Variants in RUBCNL observed in about 807,000 individuals in gnomAD.
The protein encoded by RUBCNL is rubicon like autophagy enhancer, also known as protein associated with UVRAG as autophagy enhancer.
In RUBCNL, 62 loss-of-function variants were observed where a neutral mutation model predicts 69.5. The observed-to-expected ratio is 0.89, with a 90% CI of 0.73 to 1.10. The LOEUF is 1.10. Ranked by LOEUF, RUBCNL falls within the 50% of genes least tolerant of loss-of-function variation. RUBCNL has a pLI of 0.00. For synonymous variants in RUBCNL, 291 were observed against 303.6 expected, an observed-to-expected ratio of 0.96 and a Z score of 0.43; for missense variants, 768 against 798.1, an observed-to-expected ratio of 0.96 and a Z score of 0.45.
In RUBCNL at chr13:46,372,032, G is replaced by A; in HGVS notation, c.444C>T (p.Pro148=). 8 of 1,613,988 alleles carry A rather than the reference G, an allele frequency of 5.0e-6. No homozygotes were observed. Among genetic ancestry groups the A allele is most frequent in the East Asian group, 2.2e-5 (1 of 44,876 alleles). The change falls in exon 3 of 15, where the codon CCC becomes CCT. Residue 148 remains proline (P), a synonymous_variant. Coordinates refer to ENST00000429979, the MANE Select transcript of RUBCNL (RefSeq NM_025113.5). ...RPGYSHRVSL[P]TSPGILATSP... ...AGGTGGCCAAAATCCCAGGGCTTGT[G>A]GGCAGAGACACCCGATGAGAGTATC... is the stretch of plus-strand genomic sequence containing the variant.
chr13:46,338,193 G>C lies in RUBCNL; in HGVS notation c.*5192C>G, dbSNP rs376001568. 2.2e-3 allele frequency among the ~76,000 whole-genome samples: 337 copies of C among 152,330 alleles called. 4 individuals carry two copies. Among genetic ancestry groups the C allele is most frequent in the South Asian group, 0.012 (56 of 4,824 alleles). On this transcript the variant is annotated 3_prime_UTR_variant, in exon 15 of 15. Coordinates refer to ENST00000429979, the MANE Select transcript of RUBCNL (RefSeq NM_025113.5). The stretch of plus-strand genomic sequence containing the variant: ...ACAGGTCCACATGCCATATATCCAA[G>C]TATTTAAAATTTGAAATATGTTTTA...
intron 5 of RUBCNL, among the ~76,000 whole-genome samples, chr13:46,367,238 A>C (rs944429967): frequency 6.6e-6 from 1 of 152,160 alleles, no homozygotes; most frequent in South Asian, 2.1e-4. Context: ...AGGTTACCCC[A>C]CAGGGCTTCC....
intron 9 of RUBCNL, among the ~76,000 whole-genome samples, chr13:46,358,048 T>C (rs1164813736): frequency 6.6e-6 from 1 of 152,086 alleles, no homozygotes; most frequent in Non-Finnish European, 1.5e-5. Context: ...AAGGTAAAAA[T>C]ATGCTAAATC....
At chr13:46,367,480 T>C (rs1387559619) in intron 5 of RUBCNL, among the ~76,000 whole-genome samples, 1 of 152,000 alleles carries the variant, frequency 6.6e-6, no homozygotes, top group East Asian at 1.9e-4. Flanking sequence ...TAGGATGAAG[T>C]CCAAGATTAA....
Position 46,343,342 on chromosome 13 carries a change from CATA to C in RUBCNL, c.*40_*42del. The C allele has an allele frequency of 2.5e-6, 4 of 1,597,474 alleles. No homozygotes were observed. The highest frequency in any genetic ancestry group is 3.4e-6 in the Non-Finnish European group (4 of 1,170,300). ...AATAATAGACACAAATCGGTGTTAT[CATA>C]AGGCATGTTGAACAGTCTTTTTCAC... On this transcript the variant is annotated 3_prime_UTR_variant, in exon 15 of 15. Transcript: ENST00000429979.
intron 1 of RUBCNL, among the ~76,000 whole-genome samples, chr13:46,381,255 C>T (rs892191116): frequency 1.3e-5 from 2 of 152,058 alleles, no homozygotes; most frequent in African/African-American, 4.8e-5. Flanking sequence ...GTGCTATATC[C>T]GTACAATGAA....
At position 46,341,204 on chromosome 13, in the gene RUBCNL, A is replaced by G. The variant is rs967330934; in HGVS notation, c.*2181T>C. Reference sequence around the variant, plus strand: ...TGCAGAGGCAGAAAATGAATCACTGACCTTTACAGCACTGCAACTGATGCC... The same window carrying G: ...TGCAGAGGCAGAAAATGAATCACTGGCCTTTACAGCACTGCAACTGATGCC... On this transcript the variant is annotated 3_prime_UTR_variant, in exon 15 of 15. Coordinates refer to ENST00000429979, the MANE Select transcript of RUBCNL (RefSeq NM_025113.5). Among the ~76,000 whole-genome samples the G allele has an allele frequency of 2.0e-5, 3 of 152,138 alleles. No individual in the cohort carries two copies. The highest frequency in any genetic ancestry group is 7.2e-5 in the African/African-American group (3 of 41,416).
Position 46,343,188 on chromosome 13 carries a change from C to T in RUBCNL, c.*197G>A, listed in dbSNP as rs2138661354. The T allele has an allele frequency of 1.2e-6, 1 of 855,940 alleles. No individual in the cohort carries two copies. The highest frequency in any genetic ancestry group is 2.8e-5 in the East Asian group (1 of 35,368). The allele number at this position is 855,940 out of a possible 1,614,324, so 53.0% of individuals were successfully genotyped here. A position where few individuals can be genotyped will look rare whatever the true frequency, so the allele number is the denominator to read the frequency against. ...AAAACAGAACATTTGTAAACAAAAC[C>T]ACAACTATCAGCCCTGTGCTTAAAC... On this transcript the variant is annotated 3_prime_UTR_variant, in exon 15 of 15. Transcript: ENST00000429979.
intron 1 of RUBCNL, among the ~76,000 whole-genome samples, chr13:46,383,785 T>C (rs1339890695): frequency 6.6e-6 from 1 of 152,198 alleles, no homozygotes; most frequent in Admixed American, 6.5e-5. Context: ...CTATCATCTG[T>C]AATTTCACAG....
In RUBCNL at chr13:46,372,093, G is replaced by A. The variant is rs2048888974; in HGVS notation, c.383C>T (p.Ser128Phe). The change falls in exon 3 of 15, where the codon TCT becomes TTT. Residue 128 changes from serine (S) to phenylalanine (F), a missense_variant. Transcript: ENST00000429979. ...HGSSEKSSSFSLSSTEVHMVR... is the reference protein window; with the variant it reads ...HGSSEKSSSFFLSSTEVHMVR... ...CATGTGTACCTCTGTTGAGGACAGA[G>A]AGAAGCTGCTACTCTTTTCACTCGA... The A allele has an allele frequency of 6.2e-7, 1 of 1,614,040 alleles. No homozygotes were observed. Among genetic ancestry groups the A allele is most frequent in the Non-Finnish European group, 8.5e-7 (1 of 1,179,904 alleles).
intron 2 of RUBCNL, among the ~76,000 whole-genome samples, chr13:46,373,060 G>A (rs1303208617): frequency 6.6e-6 from 1 of 150,946 alleles, no homozygotes; most frequent in Non-Finnish European, 1.5e-5. Flanking sequence ...TGCAACCTCC[G>A]CCTCCCAGGT....
chr13:46,354,525 C>T (rs540399466), intron 10 of RUBCNL, among the ~76,000 whole-genome samples: 5 of 152,288 alleles, frequency 3.3e-5, no homozygotes, highest in East Asian at 1.9e-4. Context: ...ATCTGGGCCC[C>T]GCCTACATCT....
rs1162186458 is a variant in RUBCNL, at chr13:46,350,322, AT to A, written c.1359del (p.Glu453AspfsTer3). The A allele has an allele frequency of 6.4e-7, 1 of 1,560,030 alleles. No homozygotes were observed. Among genetic ancestry groups the A allele is most frequent in the African/African-American group, 1.4e-5 (1 of 73,702 alleles). On this transcript the variant is annotated frameshift_variant, in exon 11 of 15. Transcript: ENST00000429979. LOFTEE classifies it high-confidence loss of function. ...PKFVKRLRYC[E>X]YLGKYFCDCC... ...CAGTCACAGAAATACTTCCCTAGGT[AT>A]TCGCAGTACCGGAGCCGCTTCACAA...
At chr13:46,387,486 T>C (rs988372447), upstream of RUBCNL, 18 of 985,350 alleles carry the variant, frequency 1.8e-5, no homozygotes, top group Non-Finnish European at 1.8e-5. Flanking sequence ...CCTCTGCCGG[T>C]CCTCCTAGAA....
intron 2 of RUBCNL, among the ~76,000 whole-genome samples, chr13:46,373,939 C>T (rs2138812650): frequency 6.6e-6 from 1 of 152,384 alleles, no homozygotes; most frequent in South Asian, 2.1e-4. Context: ...GCTTTTCCCT[C>T]TTCCAATTGC....
chr13:46,359,434 G>A (rs1252622111), intron 9 of RUBCNL, 52 bp downstream of exon 9: 1 of 1,534,742 alleles, frequency 6.5e-7, no homozygotes, highest in Non-Finnish European at 8.9e-7. Context: ...GGTGGGATCT[G>A]TCACAATGTG....
intron 14 of RUBCNL, 64 bp downstream of exon 14, chr13:46,344,677 G>C: frequency 9.1e-7 from 1 of 1,093,054 alleles, no homozygotes; most frequent in Non-Finnish European, 1.3e-6. Flanking sequence ...TTGTGCTTAA[G>C]TTACTAAACT....
rs544444131 is a variant in RUBCNL at position 46,342,787 on chromosome 13, C to A, written c.*598G>T. On this transcript the variant is annotated 3_prime_UTR_variant, in exon 15 of 15. Transcript: ENST00000429979. ...GCAGTTGCTTCAAACTGCACTTCAA[C>A]GGGACCCACACGCCCTGCTAAGCAA... The A allele has an allele frequency of 3.3e-5, 5 of 152,284 alleles. No homozygotes were observed. Among genetic ancestry groups the A allele is most frequent in the African/African-American group, 1.2e-4 (5 of 41,428 alleles). The allele number at this position is 152,284 out of a possible 1,614,324, so 9.4% of individuals were successfully genotyped here. A position where few individuals can be genotyped will look rare whatever the true frequency, so the allele number is the denominator to read the frequency against.
chr13:46,355,644 TCTCAGGCTACCTC>T (rs1413712849), intron 10 of RUBCNL, among the ~76,000 whole-genome samples: 1 of 152,182 alleles, frequency 6.6e-6, no homozygotes, highest in Non-Finnish European at 1.5e-5. Flanking sequence ...GGAATGATCC[TCTCAGGCTACCTC>T]CTCAAACTCT....
Sources: allele counts gnomAD v4.1 joint callset (sites outside exome capture counted in the v4.1 genomes callset), GRCh38; gene constraint gnomAD v4.1.1; transcripts MANE v1.5; gene names NCBI Gene and HGNC (gene_info 2026-07-23, HGNC 2026-07-21).